Variants in NEK11 observed in about 807,000 individuals in gnomAD.
NEK11 encodes the protein serine/threonine-protein kinase Nek11.
A neutral mutation model predicts 80.7 loss-of-function variants in NEK11; 72 were observed. The observed-to-expected ratio is 0.89, with a 90% CI of 0.74 to 1.08. NEK11 has a LOEUF of 1.08. Among genes scored for constraint, NEK11 ranks in the 50% least tolerant of loss-of-function variants. The pLI is 0.00. For missense variants in NEK11, 764 were observed against 763.6 expected (o/e 1.00, Z -0.01); for synonymous variants, 251 against 260.7 (o/e 0.96, Z 0.36).
At chr3:131,051,795 A>C (rs1473316826) in intron 3 of NEK11, among the ~76,000 whole-genome samples, 1 of 152,170 alleles carries the variant, frequency 6.6e-6, no homozygotes, top group Non-Finnish European at 1.5e-5. Context: ...CCTCCAGAGT[A>C]GTTATGCCCT....
At chr3:131,200,535 GACAATTGTTTTGGGATAA>G (rs1406183423) in intron 14 of NEK11, among the ~76,000 whole-genome samples, 1 of 152,174 alleles carries the variant, frequency 6.6e-6, no homozygotes, top group Non-Finnish European at 1.5e-5. Flanking sequence ...CAGTCCTATA[GACAATTGTTTTGGGATAA>G]ACATAGAAAT....
intron 14 of NEK11, among the ~76,000 whole-genome samples, chr3:131,181,745 CAAAAAAAAAA>C (rs58463955): frequency 6.0e-5 from 5 of 83,124 alleles, no homozygotes; most frequent in East Asian, 3.2e-4. Context: ...GACTCCGCCT[CAAAAAAAAAA>C]AAAAAAAAAA....
chr3:131,318,696 GATCTC>G (rs1279638904), intron 17 of NEK11, among the ~76,000 whole-genome samples: 11 of 150,682 alleles, frequency 7.3e-5, no homozygotes, highest in African/African-American at 2.2e-4. Context: ...AGGCATATAT[GATCTC>G]ATCCATATGT....
chr3:131,226,679 G>A (rs2107758180), intron 14 of NEK11, among the ~76,000 whole-genome samples: 1 of 152,188 alleles, frequency 6.6e-6, no homozygotes, highest in South Asian at 2.1e-4. Flanking sequence ...GACTCAGAAG[G>A]GAGGAGGGTG....
At chr3:131,116,191 G>T (rs150648198) in intron 5 of NEK11, among the ~76,000 whole-genome samples, 2,112 of 151,738 alleles carry the variant, frequency 0.014, 47 homozygotes, top group African/African-American at 0.049. Flanking sequence ...TGTTCTCATT[G>T]TTCAGTTCTC....
chr3:131,166,558 G>A (rs1307358980), intron 12 of NEK11, among the ~76,000 whole-genome samples: 1 of 152,206 alleles, frequency 6.6e-6, no homozygotes, highest in African/African-American at 2.4e-5. Flanking sequence ...TCTAATTTCA[G>A]GAGTCTTCCT....
chr3:131,271,999 C>T (rs919706455), intron 16 of NEK11, among the ~76,000 whole-genome samples: 1 of 151,858 alleles, frequency 6.6e-6, no homozygotes, highest in South Asian at 2.1e-4. Flanking sequence ...ACTCAGGAGA[C>T]TGAGGCAGAA....
In NEK11 at chr3:131,247,359, G is replaced by A. The variant is rs544093602; in HGVS notation, c.1621+3863G>A. Among the ~76,000 whole-genome samples the A allele has an allele frequency of 1.2e-4, 18 of 152,100 alleles. No individual in the cohort carries two copies. In the South Asian group the frequency reaches 1.9e-3, roughly 16 times the overall value. ...TGTGACTTGCCAATTATCCCAGCAC[G>A]ATTTGTTGAATAGGGTGTCCATTTC... On this transcript the variant is annotated intron_variant, in intron 16 of 17. Coordinates refer to ENST00000383366, the MANE Select transcript of NEK11 (RefSeq NM_024800.5).
intron 14 of NEK11, among the ~76,000 whole-genome samples, chr3:131,181,586 A>T (rs1402014365): frequency 1.3e-5 from 2 of 151,966 alleles, no homozygotes; most frequent in African/African-American, 4.8e-5. Context: ...CTCTACTAAA[A>T]ATACAAAAAA....
chr3:131,248,419 T>A (rs2095641971), intron 16 of NEK11, among the ~76,000 whole-genome samples: 1 of 152,236 alleles, frequency 6.6e-6, no homozygotes, highest in African/African-American at 2.4e-5. Context: ...TGAGATTTTT[T>A]AAATAGGCAT....
chr3:131,278,159 C>T (rs1478127051), intron 17 of NEK11, among the ~76,000 whole-genome samples: 6 of 152,160 alleles, frequency 3.9e-5, no homozygotes, highest in Non-Finnish European at 7.3e-5. Flanking sequence ...AATATAAATT[C>T]CAGACATTTG....
At chr3:131,180,136 C>T (rs1301397726) in intron 14 of NEK11, among the ~76,000 whole-genome samples, 3 of 152,132 alleles carry the variant, frequency 2.0e-5, no homozygotes, top group Admixed American at 6.5e-5. Flanking sequence ...GGAAGTAGCA[C>T]ACCCACACAT....
At chr3:131,302,560 C>T (rs888646560) in intron 17 of NEK11, among the ~76,000 whole-genome samples, 30 of 152,298 alleles carry the variant, frequency 2.0e-4, no homozygotes, top group Admixed American at 9.8e-4. Flanking sequence ...TCTTTGTTCT[C>T]ATTAGTTTCA....
chr3:131,264,169 T>C (rs2108519660), intron 16 of NEK11, among the ~76,000 whole-genome samples: 1 of 152,370 alleles, frequency 6.6e-6, no homozygotes, highest in Middle Eastern at 3.4e-3. Context: ...AGGTTGCCTG[T>C]TCACTCTGAT....
intron 17 of NEK11, among the ~76,000 whole-genome samples, chr3:131,346,991 G>A (rs976418965): frequency 1.5e-4 from 23 of 152,180 alleles, no homozygotes; most frequent in Admixed American, 1.4e-3. Context: ...AAGAAAGAGT[G>A]GGCTAGTCAC....
intron 4 of NEK11, among the ~76,000 whole-genome samples, chr3:131,104,365 G>A (rs1306562825): frequency 2.6e-5 from 4 of 152,132 alleles, no homozygotes; most frequent in Admixed American, 6.5e-5. Context: ...CAAGTTCAGA[G>A]AGCTGCATGG....
chr3:131,032,503 G>T (rs1049091702), intron 3 of NEK11, among the ~76,000 whole-genome samples: 1 of 152,126 alleles, frequency 6.6e-6, no homozygotes, highest in Non-Finnish European at 1.5e-5. Context: ...GCCGACCTTT[G>T]TAGACAATTG....
chr3:131,232,459 C>G (rs745942385), intron 15 of NEK11, among the ~76,000 whole-genome samples: 5 of 152,120 alleles, frequency 3.3e-5, no homozygotes, highest in Non-Finnish European at 1.5e-5. Flanking sequence ...AAATCTTCCT[C>G]GGAAGGGCTT....
At chr3:131,303,425 A>G (rs372108836) in intron 17 of NEK11, among the ~76,000 whole-genome samples, 10 of 152,160 alleles carry the variant, frequency 6.6e-5, no homozygotes, top group South Asian at 2.1e-4. Flanking sequence ...TATAGTGTCA[A>G]CGGTCTATGT....
Sources: allele counts gnomAD v4.1 joint callset (sites outside exome capture counted in the v4.1 genomes callset), GRCh38; gene constraint gnomAD v4.1.1; transcripts MANE v1.5; gene names NCBI Gene and HGNC (gene_info 2026-07-23, HGNC 2026-07-21).